The following MRC1 variants were observed in gnomAD, a reference collection of about 807,000 sequenced individuals.
MRC1 encodes mannose receptor C-type 1, also known as macrophage mannose receptor 1.
A neutral mutation model predicts 102.9 loss-of-function variants in MRC1; 62 were observed. That is an observed-to-expected ratio of 0.60 (90% CI 0.49 to 0.74). The LOEUF is 0.74. Ranked by LOEUF, MRC1 falls within the 30% of genes least tolerant of loss-of-function variation. The pLI, the probability that MRC1 is intolerant of heterozygous loss-of-function variation, is 0.00. For missense variants in MRC1, 1,237 were observed against 862.8 expected (o/e 1.43, Z -5.43); for synonymous variants, 457 against 298.4 (o/e 1.53, Z -5.48).
At chr10:17,850,255 A>G (rs1838893628) in intron 7 of MRC1, among the ~76,000 whole-genome samples, 8 of 40,540 alleles carry the variant, frequency 2.0e-4, no homozygotes, top group Admixed American at 5.6e-4. Context: ...AAAATATAGG[A>G]GTTTTTTTTT....
intron 7 of MRC1, among the ~76,000 whole-genome samples, chr10:17,850,182 C>T (rs1402748259): frequency 6.7e-6 from 1 of 148,950 alleles, no homozygotes; most frequent in Non-Finnish European, 1.5e-5. Flanking sequence ...TGGACTGTTT[C>T]AGACTTTAGA....
chr10:17,817,137 C>G (rs1010477235), intron 1 of MRC1, among the ~76,000 whole-genome samples: 3 of 151,574 alleles, frequency 2.0e-5, no homozygotes, highest in African/African-American at 7.3e-5. Flanking sequence ...ATAGTCCCAG[C>G]TCCTGAGGAG....
At chr10:17,910,114 G>T (rs1833948960) in intron 29 of MRC1, 101 bp from the exon 30 acceptor site, 3 of 761,514 alleles carry the variant, frequency 3.9e-6, no homozygotes, top group Middle Eastern at 3.7e-4. Flanking sequence ...TCGCTTGAAA[G>T]AATATTTATG....
intron 21 of MRC1, among the ~76,000 whole-genome samples, chr10:17,882,251 T>A (rs1385648652): frequency 5.3e-5 from 8 of 152,114 alleles, no homozygotes; most frequent in Admixed American, 2.0e-4. Flanking sequence ...CCTCAAGTTA[T>A]ACAGCTTGGA....
At chr10:17,813,708 T>A (rs1328878187) in intron 1 of MRC1, among the ~76,000 whole-genome samples, 3 of 134,020 alleles carry the variant, frequency 2.2e-5, no homozygotes, top group Non-Finnish European at 3.3e-5. Flanking sequence ...ATATTTTTTT[T>A]TTTTTTTGAG....
intron 1 of MRC1, among the ~76,000 whole-genome samples, chr10:17,814,482 C>G (rs2130573166): frequency 1.3e-5 from 2 of 152,142 alleles, no homozygotes; most frequent in South Asian, 4.2e-4. Flanking sequence ...CTTTACCAGA[C>G]AGCATTATTG....
chr10:17,881,329 A>T (rs1833514034), intron 21 of MRC1, 148 bp downstream of exon 21: 1 of 651,158 alleles, frequency 1.5e-6, no homozygotes, highest in Non-Finnish European at 2.8e-6. Flanking sequence ...ATTGAAAACT[A>T]TTTTATTCCA....
At chr10:17,809,654 C>A (rs1417498382) in intron 1 of MRC1, 128 bp downstream of exon 1, 1 of 781,192 alleles carries the variant, frequency 1.3e-6, no homozygotes, top group Admixed American at 1.8e-5. Context: ...CCCTGCACCA[C>A]GCAGTCCACG....
chr10:17,866,851 A>G, intron 12 of MRC1, 90 bp downstream of exon 12: 1 of 766,756 alleles, frequency 1.3e-6, no homozygotes, highest in Non-Finnish European at 2.4e-6. Flanking sequence ...AACAAAAACC[A>G]AAACACTCTG....
chr10:17,873,887 C>T (rs1833389786), intron 16 of MRC1, 62 bp downstream of exon 16: 2 of 860,532 alleles, frequency 2.3e-6, no homozygotes, highest in Non-Finnish European at 4.1e-6. Flanking sequence ...TCTTTCCTTT[C>T]TCAATGAAAA....
chr10:17,824,086 A>G (rs1838438261), intron 2 of MRC1, among the ~76,000 whole-genome samples: 1 of 152,174 alleles, frequency 6.6e-6, no homozygotes, highest in African/African-American at 2.4e-5. Context: ...AGAAGGTGAT[A>G]CCTCCAATGC....
intron 3 of MRC1, among the ~76,000 whole-genome samples, chr10:17,829,768 T>C (rs1838541105): frequency 6.6e-6 from 1 of 151,430 alleles, no homozygotes; most frequent in Non-Finnish European, 1.5e-5. Flanking sequence ...TCCTTTGAAA[T>C]TGACAAAGGA....
At position 17,872,092 on chromosome 10, in the gene MRC1, A is replaced by T. The variant is rs1833362044; in HGVS notation, c.2310A>T (p.Glu770Asp). ...PTMSWNDINCEHLNNWICQIQ... is the reference protein window; with the variant it reads ...PTMSWNDINCDHLNNWICQIQ... ...TGTCTTGGAATGATATTAATTGTGA[A>T]CACCTTAACAACTGGATTTGCCAGA... The change falls in exon 15 of 30, where the codon GAA becomes GAT. Residue 770 changes from glutamate to aspartate, a missense_variant. By Grantham distance (45) the Glu-to-Asp change is conservative. Transcript: ENST00000569591. The T allele has an allele frequency of 1.9e-5, 15 of 780,674 alleles. No individual in the cohort carries two copies. The South Asian group carries it at 2.0e-4, about 10-fold the overall frequency. 48.4% of individuals were successfully genotyped at this position (780,674 alleles called of 1,614,324 possible).
Position 17,833,830 on chromosome 10 carries a change from T to A in MRC1, c.793T>A (p.Tyr265Asn), listed in dbSNP as rs1209357640. Residue 265 changes from tyrosine to asparagine, a missense_variant, in exon 4 of 30, where the codon TAC (tyrosine) becomes AAC (asparagine). Transcript: ENST00000569591. ...CATCACAGAGATTCATGAGCAAACATACCTGACAGGTAAGGACATGAAAAG... is the reference window on the plus strand; with the variant it reads ...CATCACAGAGATTCATGAGCAAACAAACCTGACAGGTAAGGACATGAAAAG... ...LSITEIHEQT[Y>N]LTGLTSSLTS... 2.6e-6 allele frequency: 2 copies of A among 780,946 alleles called. No individual in the cohort carries two copies. Among genetic ancestry groups the A allele is most frequent in the African/African-American group, 3.4e-5 (2 of 59,148 alleles). The allele number at this position is 780,946 out of a possible 1,614,324, so 48.4% of individuals were successfully genotyped here. A position where few individuals can be genotyped will look rare whatever the true frequency, so the allele number is the denominator to read the frequency against.
chr10:17,845,294 C>G lies in MRC1; in HGVS notation c.922C>G (p.Pro308Ala), dbSNP rs1838809236. 1 of 780,684 alleles carries G rather than the reference C, an allele frequency of 1.3e-6. No individual in the cohort carries two copies. The highest frequency in any genetic ancestry group is 2.4e-6 in the Non-Finnish European group (1 of 417,956). 48.4% of individuals were successfully genotyped at this position (780,684 alleles called of 1,614,324 possible). A position where few individuals can be genotyped will look rare whatever the true frequency, so the allele number is the denominator to read the frequency against. Residue 308 changes from proline (P) to alanine (A), a missense_variant, in exon 6 of 30, where the codon CCA (proline) becomes GCA (alanine). Physicochemically the swap from Pro to Ala is conservative, Grantham distance 27 (BLOSUM62 -1). Transcript: ENST00000569591. ...FRYLNWLPGSPSAEPGKSCVS... is the reference protein window; with the variant it reads ...FRYLNWLPGSASAEPGKSCVS... ...ACTTTTCCTTTTCCTCGAAGGAAGT[C>G]CATCAGCTGAACCTGGAAAAAGCTG... is the stretch of plus-strand genomic sequence containing the variant.
intron 22 of MRC1, among the ~76,000 whole-genome samples, chr10:17,892,020 G>C (rs1168338572): frequency 2.0e-5 from 3 of 152,200 alleles, no homozygotes; most frequent in African/African-American, 7.2e-5. Flanking sequence ...GAAAGCTAGA[G>C]AGGCTGGAGT....
chr10:17,896,199 C>G (rs1409199704), intron 23 of MRC1, among the ~76,000 whole-genome samples: 2 of 152,120 alleles, frequency 1.3e-5, no homozygotes, highest in Admixed American at 6.5e-5. Context: ...TACTTACTCT[C>G]CCAGACCTAA....
chr10:17,901,190 A>G (rs1286566870), intron 25 of MRC1, among the ~76,000 whole-genome samples: 1 of 152,224 alleles, frequency 6.6e-6, no homozygotes, highest in Admixed American at 6.5e-5. Flanking sequence ...ACACATCTAT[A>G]TCAAAGGAAT....
At chr10:17,870,475 G>C (rs1833338664) in intron 13 of MRC1, 102 bp downstream of exon 13, 1 of 775,306 alleles carries the variant, frequency 1.3e-6, no homozygotes, top group South Asian at 1.4e-5. Flanking sequence ...CAGGATGCTA[G>C]TTTGAGCACC....
Sources: gnomAD v4.1 joint callset for allele counts (sites outside exome capture counted in the v4.1 genomes callset) on GRCh38, gnomAD v4.1.1 for gene constraint, MANE v1.5 for transcripts, NCBI Gene and HGNC (gene_info 2026-07-23, HGNC 2026-07-21) for gene names.